KCNIP1: variants seen among roughly 807,000 people sequenced by gnomAD.
The protein encoded by KCNIP1 is potassium voltage-gated channel interacting protein 1.
A neutral mutation model predicts 33.0 loss-of-function variants in KCNIP1; 18 were observed. The ratio of observed to expected loss-of-function variants is 0.55; its 90% confidence interval spans 0.38 to 0.81. The LOEUF is 0.81. Ranked by LOEUF, KCNIP1 falls within the 30% of genes least tolerant of loss-of-function variation. KCNIP1 has a pLI of 0.00. For missense variants in KCNIP1, 238 were observed against 271.6 expected, an observed-to-expected ratio of 0.88 and a Z score of 0.87; for synonymous variants, 93 against 98.3, an observed-to-expected ratio of 0.95 and a Z score of 0.32.
chr5:170,540,377 C>G (rs1756154375), intron 1 of KCNIP1, among the ~76,000 whole-genome samples: 2 of 152,208 alleles, frequency 1.3e-5, no homozygotes, highest in African/African-American at 2.4e-5. Context: ...GCTGCTAGAG[C>G]CCAGCATACT....
rs114088324 is a variant in KCNIP1 at position 170,491,861 on chromosome 5, G to A, written c.88+137897G>A. Reference sequence around the variant, plus strand: ...TTTGCTAAACAGACTTCGCCCCTCCGTGGGCCGTCTGTGAAAATAGGGCCC... The same window carrying A: ...TTTGCTAAACAGACTTCGCCCCTCCATGGGCCGTCTGTGAAAATAGGGCCC... On this transcript the variant is annotated intron_variant, in intron 1 of 7. Transcript: ENST00000377360. Among the ~76,000 whole-genome samples, 673 of 152,246 alleles carry A rather than the reference G, an allele frequency of 4.4e-3. 6 individuals carry two copies. The highest frequency in any genetic ancestry group is 7.3e-3 in the Non-Finnish European group (500 of 68,038).
chr5:170,397,874 G>A (rs1754801622), intron 1 of KCNIP1, among the ~76,000 whole-genome samples: 1 of 152,160 alleles, frequency 6.6e-6, no homozygotes, highest in Non-Finnish European at 1.5e-5. Context: ...CCAGAAAGGT[G>A]GGACAACTTG....
At chr5:170,421,576 G>A (rs1438607640) in intron 1 of KCNIP1, among the ~76,000 whole-genome samples, 2 of 152,040 alleles carry the variant, frequency 1.3e-5, no homozygotes, top group African/African-American at 4.8e-5. Context: ...TGTCTTCACC[G>A]AGGGGTAGGG....
intron 1 of KCNIP1, among the ~76,000 whole-genome samples, chr5:170,401,601 A>C (rs1013838157): frequency 6.6e-6 from 1 of 152,040 alleles, no homozygotes; most frequent in African/African-American, 2.4e-5. Flanking sequence ...CCATCTCTAC[A>C]ATTTCTTTTA....
At chr5:170,466,024 G>A (rs1716927525) in intron 1 of KCNIP1, among the ~76,000 whole-genome samples, 1 of 152,206 alleles carries the variant, frequency 6.6e-6, no homozygotes, top group Admixed American at 6.5e-5. Flanking sequence ...GCCAGATGTG[G>A]GAGACCAAGG....
intron 1 of KCNIP1, among the ~76,000 whole-genome samples, chr5:170,454,423 A>T (rs533158921): frequency 6.6e-6 from 1 of 152,356 alleles, no homozygotes; most frequent in South Asian, 2.1e-4. Flanking sequence ...AGAGGAGTGT[A>T]CCTAAACCTG....
chr5:170,662,501 G>A (rs1022984061), intron 1 of KCNIP1, among the ~76,000 whole-genome samples: 4 of 152,096 alleles, frequency 2.6e-5, no homozygotes, highest in South Asian at 2.1e-4. Flanking sequence ...CTAATCTCTC[G>A]GAGAATCTCC....
At chr5:170,390,517 A>AAAAAAAATATATATATATATATATAT in intron 1 of KCNIP1, among the ~76,000 whole-genome samples, 1 of 74,542 alleles carries the variant, frequency 1.3e-5, no homozygotes, top group Non-Finnish European at 2.5e-5. Flanking sequence ...AAAAAAAACA[A>AAAAAAAATATATATATATATATATAT]ATATATATAT....
rs1406686292 is a variant in KCNIP1, at chr5:170,504,650, C to T, written c.61+17C>T. On this transcript the variant is annotated intron_variant, in intron 1 of 7. Coordinates refer to ENST00000328939, the MANE Select transcript of KCNIP1 (RefSeq NM_014592.4). This position sits in a 1 kb window ranked among gnomAD's most constrained non-coding sequence, Gnocchi z 6.0. ...CCTCGAAAGGTAAGCCACCTTCTTC[C>T]TTTTGTTCCCCTGTCTGGGCTTGGG... 1 of 1,607,756 alleles carries T rather than the reference C, an allele frequency of 6.2e-7. No individual in the cohort carries two copies. Among genetic ancestry groups the T allele is most frequent in the South Asian group, 1.1e-5 (1 of 90,962 alleles).
chr5:170,444,700 A>T (rs3964679), intron 1 of KCNIP1, among the ~76,000 whole-genome samples: 56,464 of 111,176 alleles, frequency 0.51, 11,021 homozygotes, highest in African/African-American at 0.62. Context: ...TTCTTTTTTT[A>T]AAAAAAAAAA....
intron 1 of KCNIP1, among the ~76,000 whole-genome samples, chr5:170,649,700 G>A (rs1447763063): frequency 6.6e-6 from 1 of 152,092 alleles, no homozygotes; most frequent in Non-Finnish European, 1.5e-5. Flanking sequence ...AGATTAGTAG[G>A]AGCACTGACC....
intron 1 of KCNIP1, among the ~76,000 whole-genome samples, chr5:170,698,192 C>T (rs1182292917): frequency 1.3e-5 from 2 of 151,832 alleles, no homozygotes; most frequent in Non-Finnish European, 2.9e-5. Flanking sequence ...GGCCTTGCCA[C>T]ATTCAATCCT....
chr5:170,573,416 C>T (rs537904507), intron 1 of KCNIP1, among the ~76,000 whole-genome samples: 4 of 152,246 alleles, frequency 2.6e-5, no homozygotes, highest in African/African-American at 7.2e-5. Flanking sequence ...GAGATATTCT[C>T]CAGCGTCTAT....
At chr5:170,540,753 C>A (rs912404941) in intron 1 of KCNIP1, among the ~76,000 whole-genome samples, 2 of 152,152 alleles carry the variant, frequency 1.3e-5, no homozygotes, top group Non-Finnish European at 2.9e-5. Context: ...AACCAACTTG[C>A]CTTCAACTGC....
chr5:170,404,119 A>G (rs1754974880), intron 1 of KCNIP1, among the ~76,000 whole-genome samples: 1 of 152,200 alleles, frequency 6.6e-6, no homozygotes, highest in Non-Finnish European at 1.5e-5. Context: ...GAACACAAAC[A>G]TGCCAGAGAG....
intron 1 of KCNIP1, among the ~76,000 whole-genome samples, chr5:170,563,544 G>T (rs751499862): frequency 1.3e-5 from 2 of 152,198 alleles, no homozygotes; most frequent in African/African-American, 4.8e-5. Context: ...ATTGCTCTCA[G>T]CTACATCTTA....
intron 1 of KCNIP1, among the ~76,000 whole-genome samples, chr5:170,460,183 T>C (rs1000103670): frequency 5.9e-5 from 9 of 152,060 alleles, no homozygotes; most frequent in Non-Finnish European, 1.0e-4. Flanking sequence ...AGCAGTGAGA[T>C]TGAAATGGTA....
chr5:170,542,088 A>AAG (rs1462151918), intron 1 of KCNIP1, among the ~76,000 whole-genome samples: 1 of 152,192 alleles, frequency 6.6e-6, no homozygotes, highest in Non-Finnish European at 1.5e-5. Context: ...ATACGCCCAA[A>AAG]AGTCAAACTG....
intron 1 of KCNIP1, among the ~76,000 whole-genome samples, chr5:170,368,077 G>T (rs1219811141): frequency 6.6e-6 from 1 of 152,072 alleles, no homozygotes; most frequent in Non-Finnish European, 1.5e-5. Context: ...TAATAACCTA[G>T]AGAAATGCTA....
Sources: allele counts gnomAD v4.1 joint callset (sites outside exome capture counted in the v4.1 genomes callset), GRCh38; gene constraint gnomAD v4.1.1; non-coding constraint Gnocchi (gnomAD v3.1); transcripts MANE v1.5; gene names NCBI Gene and HGNC (gene_info 2026-07-23, HGNC 2026-07-21).